The following CADPS2 variants were observed in gnomAD, a reference collection of about 807,000 sequenced individuals.
CADPS2 encodes calcium-dependent secretion activator 2.
CADPS2 carries 93 observed loss-of-function variants against 172.5 expected under a neutral mutation model. That is an observed-to-expected ratio of 0.54 (90% confidence interval 0.46 to 0.64). CADPS2 has a LOEUF of 0.64. Ranked by LOEUF, CADPS2 falls within the 30% of genes least tolerant of loss-of-function variation. CADPS2 has a pLI of 0.00. For missense variants in CADPS2, 1,420 were observed against 1,565.9 expected, an observed-to-expected ratio of 0.91 and a Z score of 1.57; for synonymous variants, 546 against 555.2, an observed-to-expected ratio of 0.98 and a Z score of 0.23.
intron 17 of CADPS2, among the ~76,000 whole-genome samples, chr7:122,436,766 A>G (rs908054402): frequency 6.6e-6 from 1 of 152,098 alleles, no homozygotes; most frequent in South Asian, 2.1e-4. Flanking sequence ...GGGTACTACC[A>G]TAGGCTCTTG....
chr7:122,651,851 G>A (rs1043469445), intron 3 of CADPS2, among the ~76,000 whole-genome samples: 1 of 152,274 alleles, frequency 6.6e-6, no homozygotes, highest in Non-Finnish European at 1.5e-5. Context: ...AATTATAGGA[G>A]TAGATATGGT....
At chr7:122,580,075 C>CT (rs368781985) in intron 7 of CADPS2, among the ~76,000 whole-genome samples, 3 of 152,110 alleles carry the variant, frequency 2.0e-5, no homozygotes, top group African/African-American at 7.2e-5. Flanking sequence ...TAATACCAGA[C>CT]AGAAATTTTC....
At chr7:122,600,450 T>C (rs552886842) in intron 6 of CADPS2, among the ~76,000 whole-genome samples, 5 of 152,190 alleles carry the variant, frequency 3.3e-5, no homozygotes, top group African/African-American at 4.8e-5. Flanking sequence ...TGTCTGATTA[T>C]AGGGGAAACA....
At chr7:122,725,679 A>C (rs1013395368) in intron 2 of CADPS2, among the ~76,000 whole-genome samples, 2 of 151,776 alleles carry the variant, frequency 1.3e-5, no homozygotes, top group Non-Finnish European at 2.9e-5. Context: ...CTATAATCCC[A>C]GCACTTTGGG....
At chr7:122,389,916 T>A (rs2044159199) in intron 22 of CADPS2, among the ~76,000 whole-genome samples, 1 of 152,018 alleles carries the variant, frequency 6.6e-6, no homozygotes. Context: ...AATAAATTGT[T>A]TAAAGCACCA....
intron 1 of CADPS2, among the ~76,000 whole-genome samples, chr7:122,862,473 C>T (rs1817198441): frequency 6.6e-6 from 1 of 152,184 alleles, no homozygotes; most frequent in African/African-American, 2.4e-5. Flanking sequence ...AGAGGCCTCA[C>T]TAAAAACCAC....
chr7:122,602,580 A>G (rs2072946762), intron 6 of CADPS2, among the ~76,000 whole-genome samples: 1 of 152,020 alleles, frequency 6.6e-6, no homozygotes, highest in Non-Finnish European at 1.5e-5. Context: ...CAGAGTTCCT[A>G]GGCAGAGAAA....
chr7:122,811,138 C>T (rs1799936374), intron 1 of CADPS2, among the ~76,000 whole-genome samples: 1 of 152,118 alleles, frequency 6.6e-6, no homozygotes. Context: ...AATGAACCAC[C>T]ATTTTCTGAA....
chr7:122,683,883 T>G (rs1588401268), intron 2 of CADPS2, among the ~76,000 whole-genome samples: 4 of 152,220 alleles, frequency 2.6e-5, no homozygotes, highest in Admixed American at 2.6e-4. Flanking sequence ...AGGTTCACTG[T>G]GTCTACACTG....
intron 8 of CADPS2, among the ~76,000 whole-genome samples, chr7:122,547,941 T>C (rs1234302957): frequency 1.3e-5 from 2 of 152,190 alleles, no homozygotes; most frequent in African/African-American, 2.4e-5. Context: ...TCACTGATTC[T>C]TTCCACAAAA....
At chr7:122,369,059 T>C (rs1396779241) in intron 25 of CADPS2, among the ~76,000 whole-genome samples, 2 of 151,996 alleles carry the variant, frequency 1.3e-5, no homozygotes, top group Non-Finnish European at 2.9e-5. Flanking sequence ...TTGGTAAGAT[T>C]TAATGCTCCT....
intron 9 of CADPS2, among the ~76,000 whole-genome samples, chr7:122,512,928 G>A (rs1159838286): frequency 6.6e-6 from 1 of 152,010 alleles, no homozygotes; most frequent in African/African-American, 2.4e-5. Flanking sequence ...GTTTTCCAGA[G>A]GTTACATTTT....
chr7:122,447,031 CTTTTTTT>C (rs71530096), intron 15 of CADPS2, among the ~76,000 whole-genome samples: 435 of 78,388 alleles, frequency 5.5e-3, no homozygotes, highest in African/African-American at 0.018. Flanking sequence ...GTAGCTCCCT[CTTTTTTT>C]TTTTTTTTTT....
intron 1 of CADPS2, among the ~76,000 whole-genome samples, chr7:122,751,931 TC>T (rs915463983): frequency 6.6e-6 from 1 of 152,144 alleles, no homozygotes; most frequent in African/African-American, 2.4e-5. Context: ...CCTTATTTAC[TC>T]CCATTAGCAT....
At chr7:122,798,291 C>T (rs1796844959) in intron 1 of CADPS2, among the ~76,000 whole-genome samples, 1 of 152,156 alleles carries the variant, frequency 6.6e-6, no homozygotes, top group African/African-American at 2.4e-5. Context: ...GGCTGCAGTT[C>T]ACCCAGCCCC....
chr7:122,885,731 C>T (rs1824179275), intron 1 of CADPS2, among the ~76,000 whole-genome samples: 1 of 152,112 alleles, frequency 6.6e-6, no homozygotes, highest in African/African-American at 2.4e-5. Context: ...AACCGCGGCG[C>T]GGCCGGCGCT....
chr7:122,528,278 C>A (rs2061447693), intron 8 of CADPS2, among the ~76,000 whole-genome samples: 1 of 151,980 alleles, frequency 6.6e-6, no homozygotes, highest in African/African-American at 2.4e-5. Flanking sequence ...AAGAATGGGG[C>A]AAGAATGTAA....
chr7:122,509,748 G>C (rs1282182577), intron 9 of CADPS2, among the ~76,000 whole-genome samples: 1 of 152,142 alleles, frequency 6.6e-6, no homozygotes, highest in Non-Finnish European at 1.5e-5. Context: ...TCCTGAGTAA[G>C]TTCCATAACC....
At chr7:122,550,264 T>G (rs2131873940) in intron 8 of CADPS2, among the ~76,000 whole-genome samples, 1 of 152,254 alleles carries the variant, frequency 6.6e-6, no homozygotes, top group Middle Eastern at 3.4e-3. Flanking sequence ...AACTACAGAG[T>G]TTTATCTGTG....
Sources: allele counts gnomAD v4.1 joint callset (sites outside exome capture counted in the v4.1 genomes callset), GRCh38; gene constraint gnomAD v4.1.1; transcripts MANE v1.5; gene names NCBI Gene and HGNC (gene_info 2026-07-23, HGNC 2026-07-21).